Variants in SPTBN2 observed in about 807,000 individuals in gnomAD.
The protein encoded by SPTBN2 is spectrin beta, non-erythrocytic 2.
Under a neutral mutation model 284.2 loss-of-function variants are expected in SPTBN2, and 107 were observed. That is an observed-to-expected ratio of 0.38 (90% CI 0.32 to 0.44). The LOEUF (loss-of-function observed/expected upper bound fraction) is 0.44. Ranked by LOEUF, SPTBN2 falls within the 20% of genes least tolerant of loss-of-function variation. The pLI is 1.00. For missense variants in SPTBN2, 2,569 were observed against 3,287.1 expected, an observed-to-expected ratio of 0.78 and a Z score of 5.34; for synonymous variants, 1,289 against 1,354.8, an observed-to-expected ratio of 0.95 and a Z score of 1.07.
At position 66,715,490 on chromosome 11, in the gene SPTBN2, A is replaced by C; in HGVS notation, c.310-95T>G. On this transcript the variant is annotated intron_variant, in intron 4 of 37. Transcript: ENST00000533211. The surrounding 1 kb of genome is among the most constrained non-coding windows in gnomAD (Gnocchi z 5.3). The stretch of plus-strand genomic sequence containing the variant: ...CCCAGCTTTGCACACCTTCCCCATG[A>C]CCTACCTCAGGAACACAGACAGGCA... The C allele has an allele frequency of 6.8e-7, 1 of 1,479,074 alleles. No individual in the cohort carries two copies. The highest frequency in any genetic ancestry group is 2.1e-5 in the Admixed American group (1 of 47,522). The allele number at this position is 1,479,074 out of a possible 1,614,324, so 91.6% of individuals were successfully genotyped here.
At chr11:66,731,137 T>A (rs917397176), upstream of SPTBN2, among the ~76,000 whole-genome samples, 3 of 152,228 alleles carry the variant, frequency 2.0e-5, no homozygotes, top group Admixed American at 2.0e-4. Flanking sequence ...ATGAATTATA[T>A]GCAGCACATA....
At position 66,685,996 on chromosome 11, in the gene SPTBN2, T is replaced by G. The variant is rs1590901766; in HGVS notation, c.7048A>C (p.Thr2350Pro). The change falls in exon 38 of 38, where the codon ACC becomes CCC. Residue 2350 changes from threonine to proline, a missense_variant. Physicochemically the swap from Thr to Pro is conservative, Grantham distance 38. Around this residue, in one of 6 missense-constraint regions of SPTBN2, gnomAD observed 1,130 missense variants for 1,317.3 expected, o/e 0.86. Transcript: ENST00000533211. This position sits in a 1 kb window ranked among gnomAD's most constrained non-coding sequence, Gnocchi z 4.4. ...ACTGGGGGCATGGTCATGGCCCGGG[T>G]CATGCCCCGGGTGGTGCTGGGCACC... ...PVVPSTTRGM[T>P]RAMTMPPVSP... 6.2e-7 allele frequency: 1 copy of G among 1,613,614 alleles called. No homozygotes were observed. Among genetic ancestry groups the G allele is most frequent in the Non-Finnish European group, 8.5e-7 (1 of 1,179,950 alleles).
chr11:66,711,869 G>A (rs910454640), intron 8 of SPTBN2, among the ~76,000 whole-genome samples: 1 of 152,192 alleles, frequency 6.6e-6, no homozygotes, highest in Non-Finnish European at 1.5e-5. Flanking sequence ...TTGCTAGCTC[G>A]CTGACACTTG....
chr11:66,743,022 A>G (rs892829126), intron 1 of SPTBN2, among the ~76,000 whole-genome samples: 21 of 152,324 alleles, frequency 1.4e-4, no homozygotes, highest in African/African-American at 5.1e-4. Flanking sequence ...TCATTTATGT[A>G]AAGAGCTAGT....
rs34048431 is a variant in SPTBN2, at chr11:66,704,742, G to A, written c.2534C>T (p.Ala845Val). The A allele has an allele frequency of 1.2e-5, 19 of 1,602,874 alleles. No individual in the cohort carries two copies. The East Asian group carries it at 2.5e-4, about 21-fold the overall frequency. Residue 845 changes from alanine (A) to valine (V), a missense_variant, in exon 15 of 38, where the codon GCG (alanine) becomes GTG (valine). By Grantham distance (64) the Ala-to-Val change is moderately conservative. Coordinates refer to ENST00000533211, the MANE Select transcript of SPTBN2 (RefSeq NM_006946.4). ...EELQARAGER[A>V]RALEAALALY... is the part of the protein sequence containing the mutation. ...CGCCAGGGCTGCCTCCAAGGCCCGC[G>A]CTCGCTCGCCTGCCCGGGCCTGCAG...
At chr11:66,723,204 T>TA (rs749851666) in intron 1 of SPTBN2, among the ~76,000 whole-genome samples, 3,110 of 140,788 alleles carry the variant, frequency 0.022, 50 homozygotes, top group Middle Eastern at 0.044. Context: ...CTGCTGGGGA[T>TA]AAAAAAAAAA....
chr11:66,704,718 G>A lies in SPTBN2; in HGVS notation c.2558C>T (p.Ala853Val), dbSNP rs773989387. The A allele has an allele frequency of 1.4e-5, 23 of 1,602,602 alleles. No homozygotes were observed. The highest frequency in any genetic ancestry group is 2.2e-5 in the South Asian group (2 of 89,958). ...ERARALEAAL[A>V]LYTMLSEAGA... ...GGCCTCGCTGAGCATGGTGTAGAGC[G>A]CCAGGGCTGCCTCCAAGGCCCGCGC... Residue 853 changes from alanine to valine, a missense_variant, in exon 15 of 38, where the codon GCG becomes GTG. Physicochemically the swap from Ala to Val is moderately conservative, Grantham distance 64. Transcript: ENST00000533211.
At chr11:66,721,555 T>C in intron 1 of SPTBN2, 115 bp from the exon 2 acceptor site, 1 of 433,320 alleles carries the variant, frequency 2.3e-6, no homozygotes, top group Non-Finnish European at 4.3e-6. Context: ...GAGGGACGGG[T>C]TTGCGGGGTG....
intron 20 of SPTBN2, among the ~76,000 whole-genome samples, chr11:66,697,873 C>T (rs1232670169): frequency 6.6e-6 from 1 of 152,134 alleles, no homozygotes; most frequent in African/African-American, 2.4e-5. Flanking sequence ...TATAGTAGCA[C>T]CAAGTAAATA....
intron 3 of SPTBN2, among the ~76,000 whole-genome samples, chr11:66,719,347 T>C (rs1942289928): frequency 6.6e-6 from 1 of 152,254 alleles, no homozygotes; most frequent in Non-Finnish European, 1.5e-5. Context: ...GCCCCGCTGC[T>C]GGGCACATAT....
At chr11:66,722,575 CAAAAAAAAAA>C (rs35183530) in intron 1 of SPTBN2, among the ~76,000 whole-genome samples, 10 of 50,988 alleles carry the variant, frequency 2.0e-4, no homozygotes, top group Non-Finnish European at 3.1e-4. Context: ...GACTCTGTCT[CAAAAAAAAAA>C]AAAAAAAAAA....
At position 66,707,604 on chromosome 11, in the gene SPTBN2, G is replaced by A. The variant is rs1941632350; in HGVS notation, c.1565C>T (p.Ala522Val). The A allele has an allele frequency of 1.2e-6, 2 of 1,611,466 alleles. No individual in the cohort carries two copies. The highest frequency in any genetic ancestry group is 1.7e-5 in the Admixed American group (1 of 59,992). ...LWDFLRQMVA[A>V]RRERLLLNLE... Reference sequence around the variant, plus strand: ...GTTGAGGAGGAGCCGCTCCCGCCGGGCGGCCACCATCTGCCGCAAGAAGTC... The same window carrying A: ...GTTGAGGAGGAGCCGCTCCCGCCGGACGGCCACCATCTGCCGCAAGAAGTC... The change falls in exon 13 of 38, where the codon GCC becomes GTC. Residue 522 changes from alanine to valine, a missense_variant. Physicochemically the swap from Ala to Val is moderately conservative, Grantham distance 64 (BLOSUM62 0). Around this residue, in one of 6 missense-constraint regions of SPTBN2, gnomAD observed 1,012 missense variants for 1,248.9 expected, o/e 0.81. Transcript: ENST00000533211. The surrounding 1 kb of genome is among the most constrained non-coding windows in gnomAD (Gnocchi z 4.9).
Position 66,705,852 on chromosome 11 carries a change from T to A in SPTBN2, c.1654-15A>T, listed in dbSNP as rs369363527. ...TGCAGCCGGCCCTGCCAGGCACACA[T>A]GAAGTGCACATGCCCGCCTGAGCAC... On this transcript the variant is annotated splice_polypyrimidine_tract_variant and intron_variant, in intron 13 of 37. Transcript: ENST00000533211. The A allele has an allele frequency of 6.2e-7, 1 of 1,611,734 alleles. No individual in the cohort carries two copies. Among genetic ancestry groups the A allele is most frequent in the East Asian group, 2.2e-5 (1 of 44,848 alleles).
Position 66,736,153 on chromosome 11 carries a change from A to G in SPTBN2, c.-474-6961T>C, listed in dbSNP as rs181959344. 3.0e-4 allele frequency among the ~76,000 whole-genome samples: 46 copies of G among 152,230 alleles called. 1 individual carries two copies. The highest frequency in any genetic ancestry group is 1.5e-5 in the Non-Finnish European group (1 of 68,018). ...AATTCTAACAGGTGGGGGTAGGTGG[A>G]GGTGGGGTACAGAGGACTGAAGACA... On this transcript the variant is annotated intron_variant, in intron 1 of 37. Coordinates refer to the SPTBN2 transcript ENST00000611817.
intron 3 of SPTBN2, among the ~76,000 whole-genome samples, chr11:66,717,605 G>A (rs1007176039): frequency 6.6e-5 from 10 of 152,160 alleles, no homozygotes; most frequent in Non-Finnish European, 8.8e-5. Context: ...GGGGCCTCCC[G>A]GCAGGTCTAC....
intron 1 of SPTBN2, among the ~76,000 whole-genome samples, chr11:66,721,996 T>C (rs898237149): frequency 4.7e-5 from 7 of 149,068 alleles, no homozygotes; most frequent in African/African-American, 1.7e-4. Flanking sequence ...GCGAGACTAG[T>C]AGAAAAAAAA....
At chr11:66,716,249 C>T (rs910112914) in intron 3 of SPTBN2, among the ~76,000 whole-genome samples, 3 of 152,146 alleles carry the variant, frequency 2.0e-5, no homozygotes, top group African/African-American at 7.2e-5. Context: ...TTTGGGAAGC[C>T]AAGGCGGGCG....
In SPTBN2 at chr11:66,699,642, C is replaced by T. The variant is rs765504420; in HGVS notation, c.3574-34G>A. 66 of 1,611,482 alleles carry T rather than the reference C, an allele frequency of 4.1e-5. No individual in the cohort carries two copies. In the Admixed American group the frequency reaches 9.5e-4, roughly 23 times the overall value. Reference sequence around the variant, plus strand: ...GAGGGATGACATTCAGCTCATTTTCCCCAGCACAATTCACCCCCCTAGGAG... The same window carrying T: ...GAGGGATGACATTCAGCTCATTTTCTCCAGCACAATTCACCCCCCTAGGAG... On this transcript the variant is annotated intron_variant, in intron 17 of 37. Transcript: ENST00000533211.
chr11:66,717,673 A>G (rs1942209473), intron 3 of SPTBN2, among the ~76,000 whole-genome samples: 1 of 152,222 alleles, frequency 6.6e-6, no homozygotes, highest in East Asian at 1.9e-4. Flanking sequence ...ATCCAGGGGC[A>G]CTGCCCTACT....
Sources: gnomAD v4.1 joint callset for allele counts (sites outside exome capture counted in the v4.1 genomes callset) on GRCh38, gnomAD v4.1.1 for gene constraint, gnomAD v4.1.1 regional missense constraint, Gnocchi (gnomAD v3.1) non-coding constraint, MANE v1.5 for transcripts, NCBI Gene and HGNC (gene_info 2026-07-23, HGNC 2026-07-21) for gene names.